PLCL1: variants seen among roughly 807,000 people sequenced by gnomAD.
The protein encoded by PLCL1 is phospholipase C like 1 (inactive), also known as inactive phospholipase C-like protein 1.
In PLCL1, 41 loss-of-function variants were observed where a neutral mutation model predicts 84.4. The ratio of observed to expected loss-of-function variants is 0.49; its 90% CI spans 0.38 to 0.63. The LOEUF (loss-of-function observed/expected upper bound fraction) is 0.63, where lower values mean the gene tolerates loss of function less well. PLCL1 is among the 30% of genes least tolerant of loss of function. The probability of loss-of-function intolerance (pLI) is 0.00; values close to 1 mark genes in which losing one functional copy is unlikely to be tolerated. For missense variants in PLCL1, 1,206 were observed against 1,367.8 expected, an observed-to-expected ratio of 0.88 and a Z score of 1.87; for synonymous variants, 490 against 488.3, an observed-to-expected ratio of 1.00 and a Z score of -0.05.
chr2:198,034,635 A>G (rs1691512214), intron 1 of PLCL1, among the ~76,000 whole-genome samples: 1 of 152,228 alleles, frequency 6.6e-6, no homozygotes, highest in African/African-American at 2.4e-5. Context: ...AAACAAGGAC[A>G]TTCTCTTGTA....
chr2:197,938,496 T>C (rs1689091083), intron 1 of PLCL1, among the ~76,000 whole-genome samples: 1 of 152,234 alleles, frequency 6.6e-6, no homozygotes, highest in Admixed American at 6.5e-5. Context: ...GACATTTAAT[T>C]ATCCCTCAAA....
At chr2:197,819,491 GA>G (rs1010484098) in intron 1 of PLCL1, among the ~76,000 whole-genome samples, 5 of 152,086 alleles carry the variant, frequency 3.3e-5, no homozygotes, top group East Asian at 1.9e-4. Flanking sequence ...AGCAGTTAGG[GA>G]AAAAAATATA....
intron 1 of PLCL1, among the ~76,000 whole-genome samples, chr2:197,923,977 G>A (rs1228200775): frequency 3.3e-5 from 5 of 151,804 alleles, no homozygotes; most frequent in African/African-American, 7.2e-5. Context: ...CCAACACAGC[G>A]AAACCCCGTC....
At chr2:197,830,799 G>A (rs550684807) in intron 1 of PLCL1, among the ~76,000 whole-genome samples, 1 of 152,192 alleles carries the variant, frequency 6.6e-6, no homozygotes, top group East Asian at 1.9e-4. Context: ...ACAAAGGGAA[G>A]CCCATCAGAC....
chr2:198,117,657 G>T (rs2105925046), intron 5 of PLCL1, among the ~76,000 whole-genome samples: 1 of 151,908 alleles, frequency 6.6e-6, no homozygotes, highest in African/African-American at 2.4e-5. Flanking sequence ...TTTATCGTGG[G>T]TTTGCTATCA....
intron 1 of PLCL1, among the ~76,000 whole-genome samples, chr2:198,038,246 A>T (rs1691588634): frequency 6.6e-6 from 1 of 152,170 alleles, no homozygotes; most frequent in African/African-American, 2.4e-5. Flanking sequence ...ATGTTTTAAA[A>T]TATTCCACAT....
At chr2:198,032,794 A>G (rs1286240129) in intron 1 of PLCL1, among the ~76,000 whole-genome samples, 1 of 152,232 alleles carries the variant, frequency 6.6e-6, no homozygotes, top group African/African-American at 2.4e-5. Context: ...TTTGTAAAAG[A>G]TAAAATATTA....
At chr2:197,960,718 A>T (rs1223331510) in intron 1 of PLCL1, among the ~76,000 whole-genome samples, 2 of 152,068 alleles carry the variant, frequency 1.3e-5, no homozygotes, top group Non-Finnish European at 2.9e-5. Flanking sequence ...TTTTCTTTTC[A>T]TGTTAAAATG....
intron 5 of PLCL1, among the ~76,000 whole-genome samples, chr2:198,109,777 G>A (rs944721220): frequency 6.6e-6 from 1 of 151,774 alleles, no homozygotes; most frequent in Non-Finnish European, 1.5e-5. Flanking sequence ...AACCCAAGGG[G>A]AGCATTTTAG....
At chr2:197,998,175 A>ATGTG (rs58332002) in intron 1 of PLCL1, among the ~76,000 whole-genome samples, 13,309 of 131,756 alleles carry the variant, frequency 0.1, 713 homozygotes, top group Middle Eastern at 0.13. Context: ...GAATGGAGCT[A>ATGTG]TGTGTGTGTG....
At chr2:198,091,144 T>C (rs1693020142) in intron 3 of PLCL1, among the ~76,000 whole-genome samples, 1 of 152,178 alleles carries the variant, frequency 6.6e-6, no homozygotes, top group Non-Finnish European at 1.5e-5. Flanking sequence ...TACCACATGG[T>C]AAACTTGGTA....
chr2:197,877,817 A>C (rs1045695346), intron 1 of PLCL1, among the ~76,000 whole-genome samples: 5 of 152,186 alleles, frequency 3.3e-5, no homozygotes, highest in Admixed American at 1.3e-4. Context: ...TTTGTAACAG[A>C]GTTCTCAAAT....
At chr2:197,896,737 G>A (rs531111814) in intron 1 of PLCL1, among the ~76,000 whole-genome samples, 29 of 152,106 alleles carry the variant, frequency 1.9e-4, no homozygotes, top group African/African-American at 6.7e-4. Context: ...ATGCAATTTA[G>A]TTAAAATGCT....
intron 1 of PLCL1, among the ~76,000 whole-genome samples, chr2:197,884,575 A>C (rs149638598): frequency 5.4e-4 from 82 of 152,336 alleles, no homozygotes; most frequent in African/African-American, 1.8e-3. Context: ...TGTTCTCAAC[A>C]AAACTCTTCA....
At chr2:197,857,869 C>A (rs1687358449) in intron 1 of PLCL1, among the ~76,000 whole-genome samples, 2 of 151,804 alleles carry the variant, frequency 1.3e-5, no homozygotes, top group African/African-American at 4.8e-5. Flanking sequence ...TAACCTTGCC[C>A]AAGAGGAAGT....
At chr2:197,961,430 A>T (rs1645802705) in intron 1 of PLCL1, among the ~76,000 whole-genome samples, 2 of 151,988 alleles carry the variant, frequency 1.3e-5, no homozygotes, top group African/African-American at 4.8e-5. Flanking sequence ...GCTTATTTAA[A>T]TTTTGAATAG....
At chr2:197,815,727 A>T (rs2106416283) in intron 1 of PLCL1, among the ~76,000 whole-genome samples, 1 of 152,260 alleles carries the variant, frequency 6.6e-6, no homozygotes, top group South Asian at 2.1e-4. Flanking sequence ...AGTTGATTCC[A>T]ACCTCATGGA....
At chr2:197,866,154 AT>A in intron 1 of PLCL1, among the ~76,000 whole-genome samples, 1 of 15,186 alleles carries the variant, frequency 6.6e-5, no homozygotes, top group Admixed American at 5.3e-4. Flanking sequence ...ATATATATAT[AT>A]AAACTATATA....
chr2:198,048,575 A>C (rs144636583), intron 1 of PLCL1, among the ~76,000 whole-genome samples: 3 of 152,350 alleles, frequency 2.0e-5, no homozygotes, highest in African/African-American at 4.8e-5. Flanking sequence ...GAGCAGGTGC[A>C]TCACGTGGTG....
Sources: gnomAD v4.1 joint callset for allele counts (sites outside exome capture counted in the v4.1 genomes callset) on GRCh38, gnomAD v4.1.1 for gene constraint, MANE v1.5 for transcripts, NCBI Gene and HGNC (gene_info 2026-07-23, HGNC 2026-07-21) for gene names.